The following CCDC60 variants were observed in gnomAD, a reference collection of about 807,000 sequenced individuals.
CCDC60 encodes coiled-coil domain-containing protein 60.
CCDC60 carries 54 observed loss-of-function variants against 63.5 expected under a neutral mutation model. The observed-to-expected ratio is 0.85, with a 90% CI of 0.68 to 1.07. The LOEUF is 1.07. CCDC60 is among the 50% of genes least tolerant of loss of function. The pLI, the probability that CCDC60 is intolerant of heterozygous loss-of-function variation, is 0.00. For missense variants in CCDC60, 651 were observed against 684.3 expected (o/e 0.95, Z 0.54); for synonymous variants, 206 against 238.8 (o/e 0.86, Z 1.27).
intron 7 of CCDC60, among the ~76,000 whole-genome samples, chr12:119,513,246 G>T (rs1055025684): frequency 6.6e-6 from 1 of 152,154 alleles, no homozygotes; most frequent in Admixed American, 6.6e-5. Context: ...CTTGAGGCAC[G>T]TAACTTACTC....
At chr12:119,536,509 T>A (rs1276811113) in intron 13 of CCDC60, among the ~76,000 whole-genome samples, 1 of 152,236 alleles carries the variant, frequency 6.6e-6, no homozygotes, top group Non-Finnish European at 1.5e-5. Flanking sequence ...CTTCCTAGCA[T>A]CGATGGTCTT....
intron 1 of CCDC60, among the ~76,000 whole-genome samples, chr12:119,405,032 G>A (rs958276077): frequency 4.6e-5 from 7 of 152,142 alleles, no homozygotes; most frequent in Admixed American, 2.6e-4. Flanking sequence ...GGGCATCCAT[G>A]CTTGCTCCTC....
intron 11 of CCDC60, chr12:119,524,437 T>C (rs561960640): frequency 2.1e-4 from 204 of 984,994 alleles, no homozygotes; most frequent in Non-Finnish European, 2.4e-4. Context: ...TGAATGCATC[T>C]ATACAACAAA....
intron 5 of CCDC60, among the ~76,000 whole-genome samples, chr12:119,498,833 A>G (rs1951776139): frequency 6.6e-6 from 1 of 152,212 alleles, no homozygotes; most frequent in South Asian, 2.1e-4. Context: ...AAGGTAGTTG[A>G]GAGATCACAC....
In CCDC60 at chr12:119,500,056, C is replaced by T. The variant is rs777827065; in HGVS notation, c.558-22C>T. 2.0e-6 allele frequency: 3 copies of T among 1,529,718 alleles called. No homozygotes were observed. In the East Asian group the frequency reaches 6.7e-5, roughly 34 times the overall value. The allele number at this position is 1,529,718 out of a possible 1,614,324, so 94.8% of individuals were successfully genotyped here. On this transcript the variant is annotated intron_variant, in intron 5 of 13. Transcript: ENST00000327554. ...ACCAAGACTCTGGAAACGGAAAACT[C>T]ATTAAGCTGTTTCTCACTCAGGGAC...
In CCDC60 at chr12:119,471,982, G is replaced by T; in HGVS notation, c.171-12G>T. ...CCTCCCTCTCTCCCTCTTCCTCCCT[G>T]CATGTCTCCAGCTTTTTGATCCAGT... On this transcript the variant is annotated splice_polypyrimidine_tract_variant and intron_variant, in intron 2 of 13. Transcript: ENST00000327554. The T allele has an allele frequency of 6.2e-7, 1 of 1,604,954 alleles. No individual in the cohort carries two copies.
intron 2 of CCDC60, among the ~76,000 whole-genome samples, chr12:119,444,667 G>T (rs1258897692): frequency 6.6e-6 from 1 of 152,194 alleles, no homozygotes; most frequent in Non-Finnish European, 1.5e-5. Context: ...TACAAAAACA[G>T]GTCCTCCAAG....
intron 1 of CCDC60, among the ~76,000 whole-genome samples, chr12:119,343,066 T>G (rs1343185652): frequency 6.6e-6 from 1 of 152,238 alleles, no homozygotes; most frequent in Non-Finnish European, 1.5e-5. Context: ...TTTCTTGGAC[T>G]GAATAAACCA....
chr12:119,344,337 T>C (rs59227290), intron 1 of CCDC60, among the ~76,000 whole-genome samples: 3,662 of 152,280 alleles, frequency 0.024, 148 homozygotes, highest in African/African-American at 0.082. Flanking sequence ...AATGCCTATC[T>C]GATGGTAAAA....
At chr12:119,485,759 C>T (rs1033345138) in intron 4 of CCDC60, among the ~76,000 whole-genome samples, 1 of 152,078 alleles carries the variant, frequency 6.6e-6, no homozygotes, top group Non-Finnish European at 1.5e-5. Context: ...TACAGAGGTT[C>T]GAATTTCAAC....
intron 6 of CCDC60, among the ~76,000 whole-genome samples, chr12:119,504,526 A>G (rs975690051): frequency 1.3e-5 from 2 of 152,088 alleles, no homozygotes; most frequent in African/African-American, 4.8e-5. Context: ...CACATCCTAA[A>G]TGTCAGGCCT....
At chr12:119,523,045 T>C in intron 10 of CCDC60, 44 bp downstream of exon 10, 1 of 1,521,000 alleles carries the variant, frequency 6.6e-7, no homozygotes, top group African/African-American at 1.4e-5. Context: ...AGAGGGAATA[T>C]GGTGACCACA....
Position 119,516,464 on chromosome 12 carries a change from A to G in CCDC60, c.884-159A>G, listed in dbSNP as rs1187632131. On this transcript the variant is annotated intron_variant, in intron 7 of 13. Coordinates refer to ENST00000327554, the MANE Select transcript of CCDC60 (RefSeq NM_178499.5). ...TGGTCAGATTTGCAACATGCCCAACACTATCAGCCACCTCTTCTGGACCCC... is the reference window on the plus strand; with the variant it reads ...TGGTCAGATTTGCAACATGCCCAACGCTATCAGCCACCTCTTCTGGACCCC... Among the ~76,000 whole-genome samples the G allele has an allele frequency of 3.3e-5, 5 of 152,132 alleles. No individual in the cohort carries two copies. In the South Asian group the frequency reaches 6.2e-4, roughly 19 times the overall value.
chr12:119,509,814 T>A (rs955054417), intron 7 of CCDC60, among the ~76,000 whole-genome samples: 5 of 152,196 alleles, frequency 3.3e-5, no homozygotes, highest in East Asian at 3.8e-4. Context: ...AGAGGTTAAG[T>A]TATTTGCCCT....
intron 2 of CCDC60, among the ~76,000 whole-genome samples, chr12:119,437,333 T>C (rs1950345127): frequency 6.6e-6 from 1 of 152,198 alleles, no homozygotes; most frequent in South Asian, 2.1e-4. Context: ...ACATCGCTAA[T>C]GGATCACAGC....
At chr12:119,437,543 A>C (rs1950349776) in intron 2 of CCDC60, among the ~76,000 whole-genome samples, 1 of 152,188 alleles carries the variant, frequency 6.6e-6, no homozygotes, top group South Asian at 2.1e-4. Context: ...GACCAGCAGG[A>C]GGAACAGACC....
chr12:119,427,719 AT>A, intron 1 of CCDC60, among the ~76,000 whole-genome samples: 2 of 152,132 alleles, frequency 1.3e-5, no homozygotes, highest in East Asian at 1.9e-4. Context: ...ATTTCTAAGT[AT>A]TTTTTTATTT....
In CCDC60 at chr12:119,519,435, G is replaced by A. The variant is rs1367920819; in HGVS notation, c.969-686G>A. 9.3e-5 allele frequency among the ~76,000 whole-genome samples: 11 copies of A among 118,710 alleles called. No individual in the cohort carries two copies. The East Asian group carries it at 1.2e-3, about 13-fold the overall frequency. 77.9% of individuals were successfully genotyped at this position (118,710 alleles called of 152,430 possible). A position where few individuals can be genotyped will look rare whatever the true frequency, so the allele number is the denominator to read the frequency against. The stretch of plus-strand genomic sequence containing the variant: ...TGTGTGTGTGTGTGTGTGTGTGTGT[G>A]CGCGTGTGTGTGTGTGTATATATAT... On this transcript the variant is annotated intron_variant, in intron 8 of 13. Transcript: ENST00000327554.
In CCDC60 at chr12:119,475,924, A is replaced by G. The variant is rs184871456; in HGVS notation, c.342-3170A>G. Among the ~76,000 whole-genome samples, 6 of 152,338 alleles carry G rather than the reference A, an allele frequency of 3.9e-5. No individual in the cohort carries two copies. The East Asian group carries it at 7.7e-4, about 20-fold the overall frequency. Reference sequence around the variant, plus strand: ...TGTATGGCTAAAAATCTTAATTTCCATGAAAGCTGAAAAGCATCTCACATC... The same window carrying G: ...TGTATGGCTAAAAATCTTAATTTCCGTGAAAGCTGAAAAGCATCTCACATC... On this transcript the variant is annotated intron_variant, in intron 3 of 13. Coordinates refer to ENST00000327554, the MANE Select transcript of CCDC60 (RefSeq NM_178499.5).
Sources: gnomAD v4.1 joint callset for allele counts (sites outside exome capture counted in the v4.1 genomes callset) on GRCh38, gnomAD v4.1.1 for gene constraint, MANE v1.5 for transcripts, NCBI Gene and HGNC (gene_info 2026-07-23, HGNC 2026-07-21) for gene names.